PTPRJ: variants seen among roughly 807,000 people sequenced by gnomAD.
The protein encoded by PTPRJ is receptor-type tyrosine-protein phosphatase eta.
In PTPRJ, 129 loss-of-function variants were observed where a neutral mutation model predicts 141.3. The observed-to-expected ratio is 0.91, with a 90% CI of 0.79 to 1.06. The LOEUF (loss-of-function observed/expected upper bound fraction) is 1.06, where lower values mean the gene tolerates loss of function less well. PTPRJ is among the 50% of genes least tolerant of loss of function. The pLI is 0.00. For synonymous variants in PTPRJ, 610 were observed against 640.5 expected (o/e 0.95, Z 0.72); for missense variants, 1,601 against 1,679.7 (o/e 0.95, Z 0.82).
At chr11:47,998,794 G>C (rs1479968704) in intron 1 of PTPRJ, among the ~76,000 whole-genome samples, 1 of 152,138 alleles carries the variant, frequency 6.6e-6, no homozygotes, top group African/African-American at 2.4e-5. Flanking sequence ...GGACTGGTCT[G>C]CCCTGATCTA....
At chr11:48,147,147 G>A (rs1490292796) in intron 15 of PTPRJ, among the ~76,000 whole-genome samples, 184 bp downstream of exon 15, 1 of 152,164 alleles carries the variant, frequency 6.6e-6, no homozygotes, top group Non-Finnish European at 1.5e-5. Context: ...ATGTTAATGT[G>A]CTCCCAGCTG....
At chr11:47,993,392 A>C (rs1300903028) in intron 1 of PTPRJ, among the ~76,000 whole-genome samples, 1 of 152,102 alleles carries the variant, frequency 6.6e-6, no homozygotes, top group African/African-American at 2.4e-5. Context: ...TCCTGGGTTT[A>C]AGTGATCCTC....
chr11:48,120,919 T>C, intron 3 of PTPRJ, 84 bp from the exon 4 acceptor site: 1 of 1,277,416 alleles, frequency 7.8e-7, no homozygotes, highest in Non-Finnish European at 1.1e-6. Flanking sequence ...AAGTCACTTC[T>C]GGAAACTAGA....
chr11:48,134,232 C>G (rs536204640), intron 8 of PTPRJ, among the ~76,000 whole-genome samples: 41 of 152,332 alleles, frequency 2.7e-4, no homozygotes, highest in African/African-American at 9.1e-4. Flanking sequence ...AATTATTATA[C>G]AAATACTTTT....
intron 1 of PTPRJ, among the ~76,000 whole-genome samples, chr11:48,028,919 A>G (rs963538924): frequency 1.3e-5 from 2 of 152,230 alleles, no homozygotes; most frequent in East Asian, 3.8e-4. Context: ...GGTTAAAGCT[A>G]CAAGTTAGGA....
In PTPRJ at chr11:48,131,079, T is replaced by A. The variant is rs1186009168; in HGVS notation, c.1615+363T>A. Among the ~76,000 whole-genome samples the A allele has an allele frequency of 6.9e-3, 869 of 125,318 alleles. 7 individuals are homozygous for A. The highest frequency in any genetic ancestry group is 0.026 in the African/African-American group (829 of 32,326). The allele number at this position is 125,318 out of a possible 152,430, so 82.2% of individuals were successfully genotyped here. ...ATATATATATATATATATTTTTTTT[T>A]TTTTTTTTTTTTTTTTTTGAGACAG... On this transcript the variant is annotated intron_variant, in intron 8 of 24. Coordinates refer to ENST00000418331, the MANE Select transcript of PTPRJ (RefSeq NM_002843.4).
At position 48,113,061 on chromosome 11, in the gene PTPRJ, C is replaced by T. The variant is rs918219569; in HGVS notation, c.352+78C>T. ...TTATAAATGTCATGTTTTCCAAATA[C>T]TGTTCTTCTTTTAATTACCTAAGAA... On this transcript the variant is annotated intron_variant, in intron 3 of 24. Transcript: ENST00000418331. 3 of 1,248,484 alleles carry T rather than the reference C, an allele frequency of 2.4e-6. No homozygotes were observed. The East Asian group carries it at 7.1e-5, about 30-fold the overall frequency. The allele number at this position is 1,248,484 out of a possible 1,614,324, so 77.3% of individuals were successfully genotyped here. A position where few individuals can be genotyped will look rare whatever the true frequency, so the allele number is the denominator to read the frequency against.
In PTPRJ at chr11:48,154,978, T is replaced by C. The variant is rs975010124; in HGVS notation, c.3230-823T>C. On this transcript the variant is annotated intron_variant, in intron 19 of 24. Coordinates refer to ENST00000418331, the MANE Select transcript of PTPRJ (RefSeq NM_002843.4). ...GTCAGTACTAGACTTAGCATTGTTATGTTATTTTGTCCAGAGGAGGGTGAG... is the reference window on the plus strand; with the variant it reads ...GTCAGTACTAGACTTAGCATTGTTACGTTATTTTGTCCAGAGGAGGGTGAG... 8.5e-5 allele frequency among the ~76,000 whole-genome samples: 13 copies of C among 152,304 alleles called. No homozygotes were observed. In the East Asian group the frequency reaches 2.1e-3, roughly 25 times the overall value.
intron 6 of PTPRJ, 77 bp downstream of exon 6, chr11:48,125,263 A>C: frequency 6.6e-7 from 1 of 1,508,062 alleles, no homozygotes; most frequent in South Asian, 1.2e-5. Context: ...TCTGATTCTG[A>C]GTGATTTCTT....
At chr11:48,101,201 G>GA (rs1333307152) in intron 1 of PTPRJ, among the ~76,000 whole-genome samples, 4 of 152,160 alleles carry the variant, frequency 2.6e-5, no homozygotes, top group Non-Finnish European at 4.4e-5. Flanking sequence ...ACTGACAGGT[G>GA]AAAAAATGCA....
At position 48,159,943 on chromosome 11, in the gene PTPRJ, A is replaced by C; in HGVS notation, c.3452A>C (p.Glu1151Ala). ...CVEQGRTKCEEYWPSKQAQDY... is the reference protein window; with the variant it reads ...CVEQGRTKCEAYWPSKQAQDY... Reference sequence around the variant, plus strand: ...ATTTTGTTCTAGACCAAATGTGAGGAGTATTGGCCCTCCAAGCAGGCTCAG... The same window carrying C: ...ATTTTGTTCTAGACCAAATGTGAGGCGTATTGGCCCTCCAAGCAGGCTCAG... Residue 1151 changes from glutamate to alanine, a missense_variant, in exon 22 of 25, where the codon GAG (glutamate) becomes GCG (alanine). By Grantham distance (107) the Glu-to-Ala change is moderately radical (BLOSUM62 -1). Coordinates refer to ENST00000418331, the MANE Select transcript of PTPRJ (RefSeq NM_002843.4). 6.2e-7 allele frequency: 1 copy of C among 1,613,898 alleles called. No homozygotes were observed. Among genetic ancestry groups the C allele is most frequent in the African/African-American group, 1.3e-5 (1 of 75,016 alleles).
chr11:47,981,197 G>A (rs1163323534), intron 1 of PTPRJ, among the ~76,000 whole-genome samples, 189 bp downstream of exon 1: 1 of 152,104 alleles, frequency 6.6e-6, no homozygotes, highest in African/African-American at 2.4e-5. Context: ...TCCCTTTTCC[G>A]GCTGCCCAGG....
At position 48,150,159 on chromosome 11, in the gene PTPRJ, CT is replaced by C; in HGVS notation, c.3115del (p.Cys1039ValfsTer10). On this transcript the variant is annotated frameshift_variant, in exon 18 of 25. Coordinates refer to ENST00000418331, the MANE Select transcript of PTPRJ (RefSeq NM_002843.4). LOFTEE classifies it high-confidence loss of function. ...YFKKQQADSN[C>X]GFAEEYEDLK... The stretch of plus-strand genomic sequence containing the variant: ...TCAAGAAGCAGCAAGCTGACTCCAA[CT>C]GTGGGTTCGCAGAGGAATACGAAGT... The C allele has an allele frequency of 6.2e-7, 1 of 1,614,080 alleles. No individual in the cohort carries two copies. The highest frequency in any genetic ancestry group is 8.5e-7 in the Non-Finnish European group (1 of 1,179,942).
intron 1 of PTPRJ, among the ~76,000 whole-genome samples, chr11:48,086,848 A>G (rs1157401509): frequency 6.6e-6 from 1 of 152,174 alleles, no homozygotes; most frequent in Non-Finnish European, 1.5e-5. Context: ...GAGCCATGAA[A>G]TATGTTCAGT....
At chr11:48,144,109 G>T (rs967773568) in intron 12 of PTPRJ, among the ~76,000 whole-genome samples, 1 of 152,120 alleles carries the variant, frequency 6.6e-6, no homozygotes, top group Non-Finnish European at 1.5e-5. Context: ...CCTTGAGGAG[G>T]ATAGAGACCA....
chr11:48,139,899 T>C, intron 11 of PTPRJ, 123 bp downstream of exon 11: 1 of 1,091,610 alleles, frequency 9.2e-7, no homozygotes, highest in Non-Finnish European at 1.3e-6. Flanking sequence ...CCCTAAAATA[T>C]TTGCTTTTAC....
chr11:47,985,850 G>A (rs1854037314), intron 1 of PTPRJ, among the ~76,000 whole-genome samples: 1 of 152,200 alleles, frequency 6.6e-6, no homozygotes, highest in South Asian at 2.1e-4. Context: ...ACAGACGTGC[G>A]CTACCATGCG....
intron 1 of PTPRJ, among the ~76,000 whole-genome samples, chr11:48,101,054 G>T (rs1159889956): frequency 6.6e-6 from 1 of 152,128 alleles, no homozygotes; most frequent in Non-Finnish European, 1.5e-5. Flanking sequence ...GGATCCCGCT[G>T]TCCTCAAAGT....
rs1365378614 is a variant in PTPRJ at position 48,121,039 on chromosome 11, T to C, written c.389T>C (p.Ile130Thr). 6.2e-7 allele frequency: 1 copy of C among 1,610,554 alleles called. No individual in the cohort carries two copies. Among genetic ancestry groups the C allele is most frequent in the East Asian group, 2.2e-5 (1 of 44,658 alleles). The change falls in exon 4 of 25, where the codon ATC (isoleucine) becomes ACC (threonine). Residue 130 changes from isoleucine (I) to threonine (T), a missense_variant. Ile to Thr is a moderately conservative substitution (Grantham distance 89). Coordinates refer to ENST00000418331, the MANE Select transcript of PTPRJ (RefSeq NM_002843.4). ...SPVFDIKAVS[I>T]SPTNVILTWK... ...GTGTTTGACATTAAAGCTGTTTCCA[T>C]CAGTCCAACCAATGTGATCTTAACT...
Sources: allele counts gnomAD v4.1 joint callset (sites outside exome capture counted in the v4.1 genomes callset), GRCh38; gene constraint gnomAD v4.1.1; transcripts MANE v1.5; gene names NCBI Gene and HGNC (gene_info 2026-07-23, HGNC 2026-07-21).